Variants in STIM2 observed in about 807,000 individuals in gnomAD.
STIM2 encodes stromal interaction molecule 2.
A neutral mutation model predicts 85.8 loss-of-function variants in STIM2; 31 were observed. The ratio of observed to expected loss-of-function variants is 0.36; its 90% CI spans 0.27 to 0.49. The LOEUF (loss-of-function observed/expected upper bound fraction) is 0.49. Ranked by LOEUF, STIM2 falls within the 20% of genes least tolerant of loss-of-function variation. STIM2 has a pLI of 0.98. For missense variants in STIM2, 841 were observed against 927.6 expected (o/e 0.91, Z 1.21); for synonymous variants, 356 against 331.1 (o/e 1.08, Z -0.82).
At chr4:26,923,225 T>C (rs1418177361) in intron 2 of STIM2, among the ~76,000 whole-genome samples, 2 of 151,452 alleles carry the variant, frequency 1.3e-5, no homozygotes, top group Non-Finnish European at 2.9e-5. Flanking sequence ...AACCCATCTG[T>C]ACATCACCAT....
intron 2 of STIM2, among the ~76,000 whole-genome samples, chr4:26,938,986 A>C (rs1165991520): frequency 1.3e-5 from 2 of 152,086 alleles, no homozygotes; most frequent in South Asian, 2.1e-4. Context: ...GGCTCTCTGC[A>C]TACATTCTTG....
chr4:26,899,373 G>A (rs996170930), intron 1 of STIM2, among the ~76,000 whole-genome samples: 7 of 152,046 alleles, frequency 4.6e-5, no homozygotes, highest in African/African-American at 1.7e-4. Context: ...AATGAGGCTG[G>A]CTTTATAATT....
intron 4 of STIM2, among the ~76,000 whole-genome samples, chr4:26,996,966 T>G (rs1033735097): frequency 6.6e-6 from 1 of 152,126 alleles, no homozygotes; most frequent in African/African-American, 2.4e-5. Context: ...TCTGGTAAAA[T>G]TGTGACATCA....
At chr4:26,867,556 G>A (rs1024788110) in intron 1 of STIM2, among the ~76,000 whole-genome samples, 9 of 152,194 alleles carry the variant, frequency 5.9e-5, no homozygotes, top group African/African-American at 2.2e-4. Context: ...AAAGTTATAA[G>A]TCAAGAGTCG....
intron 11 of STIM2, chr4:27,019,477 T>G: frequency 7.8e-7 from 1 of 1,289,826 alleles, no homozygotes; most frequent in South Asian, 1.2e-5. Flanking sequence ...GAAGGAAAAC[T>G]CGAGAGCTGC....
At chr4:26,931,155 C>T (rs1215421156) in intron 2 of STIM2, among the ~76,000 whole-genome samples, 1 of 152,054 alleles carries the variant, frequency 6.6e-6, no homozygotes, top group Admixed American at 6.6e-5. Context: ...TCCCTCAGCC[C>T]ACTGTTTCAC....
intron 4 of STIM2, among the ~76,000 whole-genome samples, chr4:26,997,390 T>C (rs1204901843): frequency 6.6e-6 from 1 of 152,200 alleles, no homozygotes; most frequent in Non-Finnish European, 1.5e-5. Context: ...CTTAAACCTT[T>C]CGCTGTGTTT....
At chr4:26,878,805 A>G (rs1280175658) in intron 1 of STIM2, among the ~76,000 whole-genome samples, 1 of 152,200 alleles carries the variant, frequency 6.6e-6, no homozygotes, top group African/African-American at 2.4e-5. Context: ...GAAGCAAGGC[A>G]CATCTTACAT....
intron 6 of STIM2, 131 bp from the exon 7 acceptor site, chr4:27,002,796 G>A (rs1041964583): frequency 4.5e-6 from 4 of 889,090 alleles, no homozygotes; most frequent in Non-Finnish European, 6.2e-6. Context: ...CCAAACTTAA[G>A]GCTAATGAAA....
intron 3 of STIM2, among the ~76,000 whole-genome samples, chr4:26,980,467 A>G (rs1000780390): frequency 6.6e-6 from 1 of 152,088 alleles, no homozygotes; most frequent in Non-Finnish European, 1.5e-5. Context: ...GAGCCTGGAA[A>G]AAAAAAAAAG....
chr4:26,864,649 T>A (rs1261555158), intron 1 of STIM2, among the ~76,000 whole-genome samples: 1 of 152,148 alleles, frequency 6.6e-6, no homozygotes, highest in African/African-American at 2.4e-5. Context: ...AGGTTTTATC[T>A]TAACTGTAAT....
chr4:27,007,922 T>A, intron 8 of STIM2: 1 of 722,736 alleles, frequency 1.4e-6, no homozygotes. Context: ...CCTTAGTGAT[T>A]TAAACATTAT....
chr4:27,023,049 C>T lies in STIM2; in HGVS notation c.*53C>T, dbSNP rs1728966634. The T allele has an allele frequency of 2.6e-6, 4 of 1,528,182 alleles. No individual in the cohort carries two copies. The highest frequency in any genetic ancestry group is 3.5e-6 in the Non-Finnish European group (4 of 1,130,540). The allele number at this position is 1,528,182 out of a possible 1,614,324, so 94.7% of individuals were successfully genotyped here. A position where few individuals can be genotyped will look rare whatever the true frequency, so the allele number is the denominator to read the frequency against. On this transcript the variant is annotated 3_prime_UTR_variant, in exon 12 of 12. Transcript: ENST00000467087. ...AAGTGGCATCTGTAAACTATTATCC[C>T]CCACCCTCCACTCCCCACCTTTTTT... is the stretch of plus-strand genomic sequence containing the variant.
intron 3 of STIM2, among the ~76,000 whole-genome samples, chr4:26,967,580 A>G (rs1200393858): frequency 1.3e-5 from 2 of 152,214 alleles, no homozygotes; most frequent in Admixed American, 6.5e-5. Flanking sequence ...GGTCTCAGTA[A>G]TAAGAATAGA....
intron 1 of STIM2, among the ~76,000 whole-genome samples, chr4:26,872,962 G>C (rs1722680065): frequency 6.6e-6 from 1 of 152,180 alleles, no homozygotes; most frequent in African/African-American, 2.4e-5. Context: ...GAAAGAATTG[G>C]AATTATTTGA....
intron 1 of STIM2, among the ~76,000 whole-genome samples, chr4:26,887,206 T>G: frequency 6.7e-6 from 1 of 148,664 alleles, no homozygotes; most frequent in Non-Finnish European, 1.5e-5. Flanking sequence ...TTTTTTTTTT[T>G]TGCCTCTTGC....
chr4:26,938,980 C>G (rs1320729173), intron 2 of STIM2, among the ~76,000 whole-genome samples: 1 of 151,904 alleles, frequency 6.6e-6, no homozygotes, highest in Non-Finnish European at 1.5e-5. Context: ...GAAAGAGGCT[C>G]TCTGCATACA....
At chr4:26,993,059 T>A (rs532996316) in intron 3 of STIM2, among the ~76,000 whole-genome samples, 128 of 152,312 alleles carry the variant, frequency 8.4e-4, no homozygotes, top group African/African-American at 2.9e-3. Flanking sequence ...GAATTTTCAC[T>A]GTTGAACAGT....
In STIM2 at chr4:26,969,364, T is replaced by C. The variant is rs145154563; in HGVS notation, c.397+11638T>C. Among the ~76,000 whole-genome samples, 662 of 152,356 alleles carry C rather than the reference T, an allele frequency of 4.3e-3. 3 individuals are homozygous for C. The highest frequency in any genetic ancestry group is 7.1e-3 in the Non-Finnish European group (483 of 68,040). On this transcript the variant is annotated intron_variant, in intron 3 of 11. Transcript: ENST00000467087. ...TTTTAAATTGGCTTATGCATTTGTT[T>C]GGTTTCTGAATTATATATTGTAAGC...
Sources: allele counts gnomAD v4.1 joint callset (sites outside exome capture counted in the v4.1 genomes callset), GRCh38; gene constraint gnomAD v4.1.1; transcripts MANE v1.5; gene names NCBI Gene and HGNC (gene_info 2026-07-23, HGNC 2026-07-21).